Variants in GNB1L observed in about 807,000 individuals in gnomAD.
The protein encoded by GNB1L is guanine nucleotide-binding protein subunit beta-like protein 1.
A neutral mutation model predicts 29.1 loss-of-function variants in GNB1L; 20 were observed. That is an observed-to-expected ratio of 0.69 (90% confidence interval 0.48 to 1.00). The LOEUF (loss-of-function observed/expected upper bound fraction) is 1.00. GNB1L is among the 50% of genes least tolerant of loss of function. GNB1L has a pLI of 0.00. For synonymous variants in GNB1L, 193 were observed against 206.5 expected (o/e 0.93, Z 0.56); for missense variants, 421 against 464.9 (o/e 0.91, Z 0.87).
At chr22:19,804,587 GC>G (rs891667593) in intron 6 of GNB1L, among the ~76,000 whole-genome samples, 1 of 151,348 alleles carries the variant, frequency 6.6e-6, no homozygotes, top group Non-Finnish European at 1.5e-5. Context: ...AAATGTGATT[GC>G]CCCCCAAAAA....
At chr22:19,790,974 T>A (rs544470987) in intron 7 of GNB1L, among the ~76,000 whole-genome samples, 1 of 152,218 alleles carries the variant, frequency 6.6e-6, no homozygotes, top group East Asian at 1.9e-4. Flanking sequence ...AAGAGCCATA[T>A]AATCCCAGCA....
chr22:19,826,271 A>C (rs935229803), intron 2 of GNB1L, among the ~76,000 whole-genome samples: 86 of 152,350 alleles, frequency 5.6e-4, no homozygotes, highest in African/African-American at 2.0e-3. Flanking sequence ...ACCAGTCCTC[A>C]GGTTTCAGCC....
Position 19,788,598 on chromosome 22 carries a change from G to T in GNB1L, c.*111C>A. ...AGACAGCGGGGACTCCATGGTCCTTGGGCCATGACTTGCTGGTCCTCAGAG... is the reference window on the plus strand; with the variant it reads ...AGACAGCGGGGACTCCATGGTCCTTTGGCCATGACTTGCTGGTCCTCAGAG... On this transcript the variant is annotated 3_prime_UTR_variant, in exon 8 of 8. Coordinates refer to ENST00000329517, the MANE Select transcript of GNB1L (RefSeq NM_053004.3). 2 of 1,343,728 alleles carry T rather than the reference G, an allele frequency of 1.5e-6. No individual in the cohort carries two copies. The highest frequency in any genetic ancestry group is 2.1e-6 in the Non-Finnish European group (2 of 934,046). 83.2% of individuals were successfully genotyped at this position (1,343,728 alleles called of 1,614,324 possible).
At chr22:19,803,457 G>A (rs540326217) in intron 6 of GNB1L, among the ~76,000 whole-genome samples, 1 of 152,210 alleles carries the variant, frequency 6.6e-6, no homozygotes, top group South Asian at 2.1e-4. Context: ...CTGCCCCAGG[G>A]CCCCGAGTGT....
chr22:19,803,828 C>T (rs918012436), intron 6 of GNB1L, among the ~76,000 whole-genome samples: 6 of 152,238 alleles, frequency 3.9e-5, no homozygotes, highest in Admixed American at 6.5e-5. Context: ...CCTCAGGCAG[C>T]GCTCTGTGGT....
rs183732518 is a variant in GNB1L, at chr22:19,821,299, G to A, written c.57C>T (p.Thr19=). ...AGTGCAGCGCATGCACCGGTGACTG[G>A]GTGCCTCGGAGGACAAACTGGGGGT... The part of the protein sequence containing the change: ...PPDPQFVLRG[T]QSPVHALHFC... Residue 19 remains threonine, a synonymous_variant, in exon 3 of 8, where the codon ACC becomes ACT. Transcript: ENST00000329517. 2.2e-4 allele frequency: 357 copies of A among 1,613,346 alleles called. 1 individual carries two copies. The highest frequency in any genetic ancestry group is 6.5e-4 in the South Asian group (59 of 91,078).
At chr22:19,790,146 G>A (rs1275812220) in intron 7 of GNB1L, among the ~76,000 whole-genome samples, 2 of 152,222 alleles carry the variant, frequency 1.3e-5, no homozygotes, top group Non-Finnish European at 2.9e-5. Context: ...AAGACTAGAA[G>A]ATTAACTCCA....
intron 5 of GNB1L, among the ~76,000 whole-genome samples, chr22:19,809,386 GA>G (rs1937473037): frequency 6.6e-6 from 1 of 152,124 alleles, no homozygotes; most frequent in South Asian, 2.1e-4. Flanking sequence ...CTCATCTGCT[GA>G]GAGCTACTTC....
intron 2 of GNB1L, among the ~76,000 whole-genome samples, chr22:19,826,420 G>T (rs1937619989): frequency 6.6e-6 from 1 of 152,160 alleles, no homozygotes; most frequent in Non-Finnish European, 1.5e-5. Context: ...AATCACAAAA[G>T]TCAACAAGGC....
chr22:19,849,703 A>G (rs1215464853), intron 2 of GNB1L: 1 of 985,252 alleles, frequency 1.0e-6, no homozygotes, highest in Non-Finnish European at 1.2e-6. Context: ...CTTGCTAATT[A>G]GTTTTTCCTA....
intron 7 of GNB1L, among the ~76,000 whole-genome samples, chr22:19,793,472 T>C (rs77199684): frequency 3.3e-5 from 5 of 152,028 alleles, no homozygotes; most frequent in East Asian, 1.9e-4. Context: ...GTGTAACTCA[T>C]AGAAGCCCCA....
At chr22:19,846,333 C>T in intron 2 of GNB1L, 1 of 746,866 alleles carries the variant, frequency 1.3e-6, no homozygotes, top group Non-Finnish European at 1.6e-6. Flanking sequence ...CAGGATAATG[C>T]CTTTGTACCC....
At chr22:19,836,013 G>A (rs1159520687) in intron 2 of GNB1L, among the ~76,000 whole-genome samples, 1 of 151,952 alleles carries the variant, frequency 6.6e-6, no homozygotes, top group Non-Finnish European at 1.5e-5. Context: ...CAGAAAAAGA[G>A]GACAAAGTAA....
chr22:19,851,469 G>C, intron 2 of GNB1L: 1 of 1,614,098 alleles, frequency 6.2e-7, no homozygotes, highest in South Asian at 1.1e-5. Flanking sequence ...TTGGGCCCAG[G>C]GGTGCTCTCC....
rs554845926 is a variant in GNB1L, at chr22:19,792,408, T to C, written c.733-3448A>G. 1.1e-5 allele frequency: 16 copies of C among 1,510,672 alleles called. No individual in the cohort carries two copies. In the South Asian group the frequency reaches 1.3e-4, roughly 13 times the overall value. The allele number at this position is 1,510,672 out of a possible 1,614,324, so 93.6% of individuals were successfully genotyped here. On this transcript the variant is annotated intron_variant, in intron 7 of 7. Transcript: ENST00000329517. ...CCTGTTTGAGAAAAGGCCTAAGAAT[T>C]TTGGCATCGGACAGGACATCCAGCC...
intron 7 of GNB1L, among the ~76,000 whole-genome samples, chr22:19,790,467 T>C (rs1937241429): frequency 6.6e-6 from 1 of 152,194 alleles, no homozygotes; most frequent in Non-Finnish European, 1.5e-5. Context: ...CACCTCACTG[T>C]AGGTGCCTAT....
At chr22:19,813,072 G>A (rs1937512737) in intron 4 of GNB1L, among the ~76,000 whole-genome samples, 1 of 152,216 alleles carries the variant, frequency 6.6e-6, no homozygotes, top group Admixed American at 6.5e-5. Context: ...AAGAGGCACA[G>A]GGGAGACATG....
At chr22:19,849,055 G>T in intron 2 of GNB1L, 1 of 985,466 alleles carries the variant, frequency 1.0e-6, no homozygotes, top group South Asian at 4.7e-5. Flanking sequence ...TCATCGGACG[G>T]AGGGCAGCTG....
At chr22:19,793,727 G>T (rs1330558307) in intron 7 of GNB1L, among the ~76,000 whole-genome samples, 1 of 152,178 alleles carries the variant, frequency 6.6e-6, no homozygotes, top group Non-Finnish European at 1.5e-5. Flanking sequence ...GTTCTCATCA[G>T]AAACAATGTA....
Sources: gnomAD v4.1 joint callset for allele counts (sites outside exome capture counted in the v4.1 genomes callset) on GRCh38, gnomAD v4.1.1 for gene constraint, MANE v1.5 for transcripts, NCBI Gene and HGNC (gene_info 2026-07-23, HGNC 2026-07-21) for gene names.